The following GPHN variants were observed in gnomAD, a reference collection of about 807,000 sequenced individuals.
GPHN encodes the protein gephyrin.
A neutral mutation model predicts 95.5 loss-of-function variants in GPHN; 17 were observed. The observed-to-expected ratio is 0.18, with a 90% CI of 0.12 to 0.27. The LOEUF is 0.27. Among genes scored for constraint, GPHN ranks in the 10% least tolerant of loss-of-function variants. The probability of loss-of-function intolerance (pLI) is 1.00; values close to 1 mark genes in which losing one functional copy is unlikely to be tolerated. For missense variants in GPHN, 660 were observed against 978.1 expected (o/e 0.67, Z 4.34); for synonymous variants, 320 against 322.5 (o/e 0.99, Z 0.08).
At chr14:67,650,998 T>C in the GPHN span, 1 of 1,395,578 alleles carries the variant, frequency 7.2e-7, no homozygotes, top group Non-Finnish European at 1.0e-6. Context: ...GAATACTAAA[T>C]GGTTGTCTGG....
At chr14:66,989,886 A>C (rs2071288238) in intron 9 of GPHN, among the ~76,000 whole-genome samples, 1 of 152,190 alleles carries the variant, frequency 6.6e-6, no homozygotes, top group Non-Finnish European at 1.5e-5. Flanking sequence ...TGTTTCTAAA[A>C]TGAAGTAAAT....
chr14:66,952,292 A>T (rs1205506502), intron 8 of GPHN, among the ~76,000 whole-genome samples: 1 of 152,212 alleles, frequency 6.6e-6, no homozygotes, highest in Non-Finnish European at 1.5e-5. Context: ...TACAATATGT[A>T]ACTCTTTATG....
At chr14:67,581,185 G>A in the GPHN span, 3 of 620,630 alleles carry the variant, frequency 4.8e-6, no homozygotes, top group East Asian at 8.3e-5. Flanking sequence ...TGGGGTGCAG[G>A]CGGGCTCTGC....
chr14:66,817,699 T>C (rs1238354564), intron 3 of GPHN, among the ~76,000 whole-genome samples: 1 of 152,150 alleles, frequency 6.6e-6, no homozygotes, highest in Admixed American at 6.5e-5. Flanking sequence ...CACTCAGATG[T>C]GTAGGACCTT....
chr14:67,070,503 C>T (rs972754124), intron 11 of GPHN, among the ~76,000 whole-genome samples: 1 of 149,444 alleles, frequency 6.7e-6, no homozygotes, highest in Non-Finnish European at 1.5e-5. Context: ...CGAGGCCAGC[C>T]TGGCCAATAT....
chr14:66,725,247 C>T (rs1328762904), intron 2 of GPHN, among the ~76,000 whole-genome samples: 2 of 152,186 alleles, frequency 1.3e-5, no homozygotes, highest in African/African-American at 4.8e-5. Context: ...TTTATTACAG[C>T]AGCCCTACCT....
intron 1 of GPHN, among the ~76,000 whole-genome samples, chr14:66,551,344 C>T (rs1594929781): frequency 6.6e-6 from 1 of 152,186 alleles, no homozygotes; most frequent in African/African-American, 2.4e-5. Context: ...TATCACTGAT[C>T]TTTGTAGCCA....
chr14:67,228,605 T>G, the GPHN span: 1 of 152,268 alleles, frequency 6.6e-6, no homozygotes. Context: ...TAATTGTGGG[T>G]ATCTATTTTA....
chr14:66,724,409 G>C (rs545216504), intron 2 of GPHN, among the ~76,000 whole-genome samples: 3 of 152,260 alleles, frequency 2.0e-5, no homozygotes, highest in Admixed American at 6.5e-5. Flanking sequence ...AACTCTGTCT[G>C]AGAAAATACA....
chr14:67,171,748 C>G (rs943228559), intron 21 of GPHN, among the ~76,000 whole-genome samples: 1 of 152,040 alleles, frequency 6.6e-6, no homozygotes, highest in African/African-American at 2.4e-5. Context: ...CGTGGAGTAA[C>G]AGAAACCCTG....
the GPHN span, among the ~76,000 whole-genome samples, chr14:67,448,746 C>T: frequency 8.5e-5 from 13 of 152,102 alleles, no homozygotes; most frequent in African/African-American, 2.9e-4. Flanking sequence ...AAATGGAATC[C>T]TGAGTCAGGA....
the GPHN span, chr14:67,572,275 G>T: frequency 6.3e-7 from 1 of 1,593,886 alleles, no homozygotes; most frequent in East Asian, 2.3e-5. Context: ...GGGCCTGGGC[G>T]GGGTGAGCCG....
At chr14:67,454,667 A>G in the GPHN span, 1 of 152,232 alleles carries the variant, frequency 6.6e-6, no homozygotes, top group African/African-American at 2.4e-5. Context: ...GAGCTCACGA[A>G]TGGAGAGATG....
At chr14:66,647,361 CAT>C (rs1239836050) in intron 1 of GPHN, among the ~76,000 whole-genome samples, 1 of 151,292 alleles carries the variant, frequency 6.6e-6, no homozygotes, top group Non-Finnish European at 1.5e-5. Context: ...TAAATGCCCA[CAT>C]GATTCTCACA....
At chr14:66,678,481 G>GTT (rs894827565) in intron 1 of GPHN, among the ~76,000 whole-genome samples, 1 of 133,398 alleles carries the variant, frequency 7.5e-6, no homozygotes, top group Admixed American at 7.3e-5. Context: ...ATCACCAGTT[G>GTT]TTTTTTTTTT....
chr14:66,508,540 G>A lies in GPHN; in HGVS notation c.13G>A (p.Gly5Arg). The A allele has an allele frequency of 6.2e-7, 1 of 1,614,104 alleles. No homozygotes were observed. Among genetic ancestry groups the A allele is most frequent in the Non-Finnish European group, 8.5e-7 (1 of 1,179,928 alleles). The change falls in exon 1 of 23, where the codon GGA (glycine) becomes AGA (arginine). Residue 5 changes from glycine to arginine, a missense_variant. By Grantham distance (125) the Gly-to-Arg change is moderately radical. This residue lies in a region of GPHN where 92 missense variants were observed against 91.9 expected (regional missense o/e 1.00). Coordinates refer to ENST00000478722, the MANE Select transcript of GPHN (RefSeq NM_020806.5). The stretch of plus-strand genomic sequence containing the variant: ...TGCGCTGGGAAACATGGCGACCGAG[G>A]GAATGATCCTTACTAACCACGACCA... The part of the protein sequence containing the change: MATE[G>R]MILTNHDHQI...
chr14:67,284,012 A>T, the GPHN span, among the ~76,000 whole-genome samples: 1 of 152,094 alleles, frequency 6.6e-6, no homozygotes, highest in Non-Finnish European at 1.5e-5. Context: ...AAATTGCGCT[A>T]TTGACTTTGG....
intron 17 of GPHN, among the ~76,000 whole-genome samples, chr14:67,137,624 G>T (rs963779212): frequency 2.6e-5 from 4 of 152,076 alleles, no homozygotes; most frequent in African/African-American, 7.2e-5. Flanking sequence ...TATTATCCAG[G>T]TGTGGTGGCG....
At chr14:67,134,481 A>T (rs1343900845) in intron 17 of GPHN, among the ~76,000 whole-genome samples, 1 of 152,334 alleles carries the variant, frequency 6.6e-6, no homozygotes, top group Admixed American at 6.5e-5. Flanking sequence ...CAATATTATT[A>T]GCCTATGATA....
Sources: allele counts gnomAD v4.1 joint callset (sites outside exome capture counted in the v4.1 genomes callset), GRCh38; gene constraint gnomAD v4.1.1; regional missense constraint gnomAD v4.1.1; transcripts MANE v1.5; gene names NCBI Gene and HGNC (gene_info 2026-07-23, HGNC 2026-07-21).